Variants in RHCE observed in about 807,000 individuals in gnomAD.
RHCE encodes the protein Rh blood group CcEe antigens, also known as blood group Rh(CE) polypeptide.
RHCE carries 22 observed loss-of-function variants against 43.8 expected under a neutral mutation model. The ratio of observed to expected loss-of-function variants is 0.50; its 90% CI spans 0.36 to 0.72. The LOEUF (loss-of-function observed/expected upper bound fraction) is 0.72. Ranked by LOEUF, RHCE falls within the 30% of genes least tolerant of loss-of-function variation. The pLI is 0.00. For missense variants in RHCE, 385 were observed against 525.4 expected, an observed-to-expected ratio of 0.73 and a Z score of 2.61; for synonymous variants, 156 against 210.7, an observed-to-expected ratio of 0.74 and a Z score of 2.25.
rs1322337230 is a variant in RHCE at position 25,380,438 on chromosome 1, G to C, written c.1074-5010C>G. ...TTCTCCCAAGCTGGCATTGCACTAT[G>C]ATAGCTCTACCATTCTGGGGTCTTG... is the stretch of plus-strand genomic sequence containing the variant. On this transcript the variant is annotated intron_variant, in intron 7 of 9. Coordinates refer to ENST00000294413, the MANE Select transcript of RHCE (RefSeq NM_020485.8). 3.3e-5 allele frequency among the ~76,000 whole-genome samples: 5 copies of C among 151,084 alleles called. No homozygotes were observed. In the East Asian group the frequency reaches 9.8e-4, roughly 30 times the overall value.
At chr1:25,372,518 TAA>T (rs76717377) in intron 8 of RHCE, among the ~76,000 whole-genome samples, 6 of 139,812 alleles carry the variant, frequency 4.3e-5, no homozygotes, top group East Asian at 2.0e-4. Context: ...AAACTCCGTC[TAA>T]AAAAAAAAAA....
At chr1:25,417,713 A>G (rs1384021243) in intron 1 of RHCE, among the ~76,000 whole-genome samples, 1 of 152,218 alleles carries the variant, frequency 6.6e-6, no homozygotes, top group Non-Finnish European at 1.5e-5. Context: ...TGTATTTATT[A>G]TAACATACAA....
At chr1:25,409,895 ATTTT>A (rs879317136) in intron 1 of RHCE, among the ~76,000 whole-genome samples, 1 of 145,808 alleles carries the variant, frequency 6.9e-6, no homozygotes, top group Admixed American at 6.9e-5. Context: ...TAGAGCTAAG[ATTTT>A]TTTTTTTTAA....
At chr1:25,420,208 G>A (rs1260505306) in intron 1 of RHCE, among the ~76,000 whole-genome samples, 3 of 151,684 alleles carry the variant, frequency 2.0e-5, no homozygotes, top group Non-Finnish European at 2.9e-5. Context: ...TGAGCGAGAG[G>A]CCACAAAAAG....
At chr1:25,429,682 T>G (rs1430482033) in intron 1 of RHCE, among the ~76,000 whole-genome samples, 1 of 152,168 alleles carries the variant, frequency 6.6e-6, no homozygotes, top group African/African-American at 2.4e-5. Flanking sequence ...ATAGTAACAT[T>G]ATCATCCATA....
At chr1:25,387,310 G>T (rs1221159899) in intron 6 of RHCE, among the ~76,000 whole-genome samples, 2 of 152,174 alleles carry the variant, frequency 1.3e-5, no homozygotes, top group Non-Finnish European at 2.9e-5. Flanking sequence ...TCTGCTCCAG[G>T]AAGCATTTCC....
chr1:25,425,695 G>A (rs2124557775), upstream of RHCE, among the ~76,000 whole-genome samples: 1 of 152,316 alleles, frequency 6.6e-6, no homozygotes, highest in Admixed American at 6.5e-5. Context: ...TGCAGGTGTG[G>A]TGAATCAAGC....
chr1:25,399,894 A>G (rs1369452472), intron 3 of RHCE, among the ~76,000 whole-genome samples: 3 of 152,216 alleles, frequency 2.0e-5, no homozygotes, highest in African/African-American at 7.2e-5. Flanking sequence ...CAATCTGTCC[A>G]CAAATATAAA....
chr1:25,377,243 C>G (rs564656466), intron 7 of RHCE, among the ~76,000 whole-genome samples: 1 of 151,924 alleles, frequency 6.6e-6, no homozygotes. Context: ...TATGCATGAC[C>G]TTGCAAATTT....
rs1646341321 is a variant in RHCE, at chr1:25,390,915, C to T, written c.635G>A (p.Gly212Asp). Reference protein sequence around the residue: ...ATIPSLSAMLGALFLWMFWPS... With the variant: ...ATIPSLSAMLDALFLWMFWPS... ...CCAGAACATCCACAAGAAGAGGGCG[C>T]CTGGGGGCCAGAGAGGGTGGTTGGC... Residue 212 changes from glycine (G) to aspartate (D), a missense_variant and splice_region_variant, in exon 5 of 10, where the codon GGC (glycine) becomes GAC (aspartate). By Grantham distance (94) the Gly-to-Asp change is moderately conservative. Transcript: ENST00000294413. The T allele has an allele frequency of 6.2e-7, 1 of 1,614,168 alleles. No individual in the cohort carries two copies. Among genetic ancestry groups the T allele is most frequent in the African/African-American group, 1.3e-5 (1 of 75,036 alleles).
intron 9 of RHCE, among the ~76,000 whole-genome samples, chr1:25,369,401 G>A (rs542248927): frequency 1.3e-5 from 2 of 151,774 alleles, no homozygotes; most frequent in East Asian, 3.9e-4. Context: ...GGTCCCTGCT[G>A]GTCCAGCCTA....
At position 25,416,188 on chromosome 1, in the gene RHCE, GAGA is replaced by G. The variant is rs1458163162; in HGVS notation, c.148+4448_148+4450del. On this transcript the variant is annotated intron_variant, in intron 1 of 9. Coordinates refer to ENST00000294413, the MANE Select transcript of RHCE (RefSeq NM_020485.8). Reference sequence around the variant, plus strand: ...TGCCCTAAGGGAATATTGGTCCAATGAGAAGGATTTGATACGCATTTCTCTATA... The same window carrying G: ...TGCCCTAAGGGAATATTGGTCCAATGAGGATTTGATACGCATTTCTCTATA... 2.6e-5 allele frequency among the ~76,000 whole-genome samples: 4 copies of G among 152,254 alleles called. No individual in the cohort carries two copies. The South Asian group carries it at 6.2e-4, about 24-fold the overall frequency.
chr1:25,380,030 T>C (rs1001918018), intron 7 of RHCE, among the ~76,000 whole-genome samples: 53 of 148,994 alleles, frequency 3.6e-4, no homozygotes, highest in Admixed American at 3.2e-3. Context: ...CCAAAGTCCA[T>C]GGTCTCATCT....
intron 1 of RHCE, chr1:25,411,597 G>A: frequency 1.4e-6 from 1 of 725,750 alleles, no homozygotes; most frequent in Non-Finnish European, 2.1e-6. Context: ...GGTGAGAAGT[G>A]GGCATTAGGA....
intron 1 of RHCE, among the ~76,000 whole-genome samples, chr1:25,418,041 T>C (rs775483390): frequency 4.6e-5 from 7 of 152,198 alleles, no homozygotes; most frequent in Non-Finnish European, 7.3e-5. Flanking sequence ...TTACTATTAT[T>C]TTTTTCAGAC....
chr1:25,415,998 G>T (rs1003384894), intron 1 of RHCE, among the ~76,000 whole-genome samples: 5 of 151,650 alleles, frequency 3.3e-5, no homozygotes, highest in Admixed American at 1.3e-4. Context: ...GAGGCAGCAG[G>T]TCTGGGGACC....
chr1:25,371,083 G>A (rs1271334278), intron 8 of RHCE, among the ~76,000 whole-genome samples: 1 of 140,060 alleles, frequency 7.1e-6, no homozygotes, highest in Non-Finnish European at 1.5e-5. Context: ...TTTTTTTTTT[G>A]AAAAAAAGAA....
intron 3 of RHCE, 38 bp from the exon 4 acceptor site, chr1:25,392,179 T>A (rs916442804): frequency 1.1e-5 from 18 of 1,613,824 alleles, no homozygotes; most frequent in Admixed American, 6.7e-5. Context: ...AGTGTCGGCA[T>A]CCTCTGCCCA....
intron 7 of RHCE, among the ~76,000 whole-genome samples, chr1:25,376,914 A>G (rs1407407731): frequency 6.8e-6 from 1 of 148,128 alleles, no homozygotes; most frequent in Non-Finnish European, 1.5e-5. Context: ...ACTCCATCTC[A>G]AAAAAAAAAG....
Sources: allele counts gnomAD v4.1 joint callset (sites outside exome capture counted in the v4.1 genomes callset), GRCh38; gene constraint gnomAD v4.1.1; transcripts MANE v1.5; gene names NCBI Gene and HGNC (gene_info 2026-07-23, HGNC 2026-07-21).